Variants in PNPLA2 observed in about 807,000 individuals in gnomAD.
The protein encoded by PNPLA2 is patatin like domain 2, triacylglycerol lipase, also known as patatin-like phospholipase domain-containing protein 2.
A neutral mutation model predicts 39.7 loss-of-function variants in PNPLA2; 28 were observed. The observed-to-expected ratio is 0.70, with a 90% CI of 0.52 to 0.97. PNPLA2 has a LOEUF of 0.97. Among genes scored for constraint, PNPLA2 ranks in the 50% least tolerant of loss-of-function variants. PNPLA2 has a pLI of 0.00. For synonymous variants in PNPLA2, 392 were observed against 321.1 expected, an observed-to-expected ratio of 1.22 and a Z score of -2.36; for missense variants, 768 against 698.2, an observed-to-expected ratio of 1.10 and a Z score of -1.13.
chr11:821,201 T>C (rs1845654064), intron 2 of PNPLA2: 3 of 268,732 alleles, frequency 1.1e-5, no homozygotes, highest in South Asian at 3.9e-5. Context: ...AACTGGGCCC[T>C]GACTACTTCC....
At chr11:819,551 C>A in intron 1 of PNPLA2, 23 bp from the exon 2 acceptor site, 1 of 1,291,702 alleles carries the variant, frequency 7.7e-7, no homozygotes, top group Non-Finnish European at 9.8e-7. Context: ...CTTAAAAGCG[C>A]CGCCTCCGCG....
In PNPLA2 at chr11:824,592, C is replaced by G. The variant is rs925652298; in HGVS notation, c.1245C>G (p.Tyr415Ter). The G allele has an allele frequency of 3.6e-5, 57 of 1,586,956 alleles. No homozygotes were observed. Among genetic ancestry groups the G allele is most frequent in the Non-Finnish European group, 4.7e-5 (55 of 1,171,546 alleles). The change falls in exon 10 of 10, where the codon TAC becomes TAG. Residue 415 changes from tyrosine (Y) to a stop codon, truncating the protein, a stop_gained. Coordinates refer to ENST00000336615, the MANE Select transcript of PNPLA2 (RefSeq NM_020376.4). LOFTEE classifies it low-confidence loss of function (END_TRUNC). Reference sequence around the variant, plus strand: ...CCGTGCCGCTGTCCTGCGCCGCCTACAGAGAGGCACTGCCCGGCTGGATGC... The same window carrying G: ...CCGTGCCGCTGTCCTGCGCCGCCTAGAGAGAGGCACTGCCCGGCTGGATGC... ...LPSVPLSCAA[Y>*]REALPGWMRN...
intron 2 of PNPLA2, chr11:821,130 A>C (rs763549752): frequency 3.3e-5 from 7 of 209,200 alleles, no homozygotes; most frequent in Admixed American, 1.1e-4. Flanking sequence ...CCTGCGCCCC[A>C]AGAGGAGTGT....
rs1845846269 is a variant in PNPLA2, at chr11:825,086, A to C, written c.*224A>C. 5.8e-5 allele frequency: 33 copies of C among 572,480 alleles called. No individual in the cohort carries two copies. The highest frequency in any genetic ancestry group is 1.6e-4 in the Admixed American group (5 of 31,406). The allele number at this position is 572,480 out of a possible 1,614,324, so 35.5% of individuals were successfully genotyped here. A position where few individuals can be genotyped will look rare whatever the true frequency, so the allele number is the denominator to read the frequency against. On this transcript the variant is annotated 3_prime_UTR_variant, in exon 10 of 10. Transcript: ENST00000336615. ...CTTCCCTCCCCTGTGCTGCCCGAGC[A>C]CCTCCCCCGCCCCTTTACTCCTGAG...
In PNPLA2 at chr11:823,880, G is replaced by T. The variant is rs776218551; in HGVS notation, c.919+25G>T. ...GGTGCGCACCTGGGGGACGGGAGGG[G>T]AGGAGGGGAGGCAGGAGGGAAAGAG... On this transcript the variant is annotated intron_variant, in intron 7 of 9. Coordinates refer to ENST00000336615, the MANE Select transcript of PNPLA2 (RefSeq NM_020376.4). The T allele has an allele frequency of 3.8e-6, 6 of 1,564,874 alleles. No individual in the cohort carries two copies. In the South Asian group the frequency reaches 7.0e-5, roughly 18 times the overall value.
In PNPLA2 at chr11:822,047, CCTT is replaced by C. The variant is rs1565086930; in HGVS notation, c.486+27_486+29del. ...TGGTGAGTATTCCTAGCCCTGGACACCTTCTATGGGGTGGGCCGTGGGATGAGG... is the reference window on the plus strand; with the variant it reads ...TGGTGAGTATTCCTAGCCCTGGACACCTATGGGGTGGGCCGTGGGATGAGG... On this transcript the variant is annotated intron_variant, in intron 4 of 9. Coordinates refer to ENST00000336615, the MANE Select transcript of PNPLA2 (RefSeq NM_020376.4). The C allele has an allele frequency of 8.7e-6, 14 of 1,606,616 alleles. No individual in the cohort carries two copies. The Middle Eastern group carries it at 2.0e-3, about 228-fold the overall frequency.
rs1430971432 is a variant in PNPLA2, at chr11:819,701, C to CCGGCGG, written c.-16_-11dup. The CCGGCGG allele has an allele frequency of 1.4e-6, 2 of 1,477,032 alleles. No homozygotes were observed. The highest frequency in any genetic ancestry group is 2.9e-5 in the African/African-American group (2 of 68,206). 91.5% of individuals were successfully genotyped at this position (1,477,032 alleles called of 1,614,324 possible). On this transcript the variant is annotated 5_prime_UTR_variant, in exon 2 of 10. Transcript: ENST00000336615. ...CCTGGCCGCCCACGGAACCCGGGGC[C>CCGGCGG]CGGCGGCCGCCGCCGCGATGTTTCC...
At position 823,844 on chromosome 11, in the gene PNPLA2, G is replaced by T. The variant is rs754108863; in HGVS notation, c.908G>T (p.Arg303Leu). 1 of 1,586,826 alleles carries T rather than the reference G, an allele frequency of 6.3e-7. No homozygotes were observed. Among genetic ancestry groups the T allele is most frequent in the Admixed American group, 1.8e-5 (1 of 56,514 alleles). ...EDHILEHLPARLNEALLEACV... is the reference protein window; with the variant it reads ...EDHILEHLPALLNEALLEACV... ...CACATCCTGGAGCACCTGCCCGCCC[G>T]GCTCAATGAGGGTGCGCACCTGGGG... Residue 303 changes from arginine to leucine, a missense_variant, in exon 7 of 10, where the codon CGG (arginine) becomes CTG (leucine). Transcript: ENST00000336615.
Position 825,251 on chromosome 11 carries a change from G to A in PNPLA2, c.*389G>A. On this transcript the variant is annotated 3_prime_UTR_variant, in exon 10 of 10. Transcript: ENST00000336615. ...CCACTTTGTGTGTATGTGACCGCCT[G>A]CTTACTTGCAGTGAGAGCCTGGTGG... The A allele has an allele frequency of 3.2e-6, 1 of 310,596 alleles. No individual in the cohort carries two copies. 19.2% of individuals were successfully genotyped at this position (310,596 alleles called of 1,614,324 possible).
rs372368030 is a variant in PNPLA2 at position 824,439 on chromosome 11, G to A, written c.1175+3G>A. 31 of 1,553,796 alleles carry A rather than the reference G, an allele frequency of 2.0e-5. No individual in the cohort carries two copies. Among genetic ancestry groups the A allele is most frequent in the South Asian group, 1.2e-4 (10 of 84,404 alleles). On this transcript the variant is annotated splice_donor_region_variant and intron_variant, in intron 9 of 9. Coordinates refer to ENST00000336615, the MANE Select transcript of PNPLA2 (RefSeq NM_020376.4). ...CTGGGCAGGCACCTGCCCTCCAGGT[G>A]AGCCGCCGACCGCGCGTCCACCCGG...
Position 821,855 on chromosome 11 carries a change from A to G in PNPLA2, c.415A>G (p.Ile139Val). 1 of 1,612,994 alleles carries G rather than the reference A, an allele frequency of 6.2e-7. No individual in the cohort carries two copies. The highest frequency in any genetic ancestry group is 8.5e-7 in the Non-Finnish European group (1 of 1,179,132). Residue 139 changes from isoleucine (I) to valine (V), a missense_variant, in exon 3 of 10, where the codon ATC becomes GTC. Ile to Val is a conservative substitution (Grantham distance 29). Transcript: ENST00000336615. ...CCACTTCAACTCCAAGGACGAGCTC[A>G]TCCAGGTGGGGCCTGGTGGAGCCAT... ...ISHFNSKDEL[I>V]QANVCSGFIP... is the part of the protein sequence containing the mutation.
chr11:822,288 G>T, intron 4 of PNPLA2, 109 bp from the exon 5 acceptor site: 1 of 1,025,540 alleles, frequency 9.8e-7, no homozygotes. Flanking sequence ...ACGCTCAAAT[G>T]AGGTAGCCAC....
At chr11:822,185 C>G in intron 4 of PNPLA2, 162 bp downstream of exon 4, 1 of 774,358 alleles carries the variant, frequency 1.3e-6, no homozygotes, top group Non-Finnish European at 2.2e-6. Flanking sequence ...CGCACGCTTC[C>G]TGGCCCCCCA....
chr11:821,267 G>T, intron 2 of PNPLA2: 2 of 363,270 alleles, frequency 5.5e-6, no homozygotes, highest in African/African-American at 2.1e-5. Flanking sequence ...TGGGTTTTGT[G>T]GGTCTGCCCC....
intron 1 of PNPLA2, 91 bp downstream of exon 1, chr11:819,049 C>G (rs540080546): frequency 6.6e-6 from 1 of 152,600 alleles, no homozygotes; most frequent in South Asian, 2.1e-4. Flanking sequence ...TGGGGTCCCC[C>G]ACGAAGGGTT....
Position 825,044 on chromosome 11 carries a change from C to T in PNPLA2, c.*182C>T, listed in dbSNP as rs1207772284. 1 of 646,342 alleles carries T rather than the reference C, an allele frequency of 1.5e-6. No individual in the cohort carries two copies. Among genetic ancestry groups the T allele is most frequent in the East Asian group, 2.8e-5 (1 of 36,038 alleles). The allele number at this position is 646,342 out of a possible 1,614,324, so 40.0% of individuals were successfully genotyped here. On this transcript the variant is annotated 3_prime_UTR_variant, in exon 10 of 10. Coordinates refer to ENST00000336615, the MANE Select transcript of PNPLA2 (RefSeq NM_020376.4). The stretch of plus-strand genomic sequence containing the variant: ...CCTCCCCTGGGCCGCTGAGGCCCCG[C>T]GCACCTGTGCCTTAATCTTCCCTCC...
At chr11:819,548 G>A in intron 1 of PNPLA2, 26 bp from the exon 2 acceptor site, 2 of 1,291,888 alleles carry the variant, frequency 1.5e-6, no homozygotes, top group Non-Finnish European at 9.8e-7. Context: ...ACACTTAAAA[G>A]CGCCGCCTCC....
In PNPLA2 at chr11:824,656, G is replaced by A. The variant is rs144447952; in HGVS notation, c.1309G>A (p.Glu437Lys). The A allele has an allele frequency of 5.6e-6, 9 of 1,597,360 alleles. No homozygotes were observed. The highest frequency in any genetic ancestry group is 7.6e-6 in the Non-Finnish European group (9 of 1,177,656). Residue 437 changes from glutamate to lysine, a missense_variant, in exon 10 of 10, where the codon GAG becomes AAG. Transcript: ENST00000336615. The part of the protein sequence containing the change: ...LSLGDALAKW[E>K]ECQRQLLLGL... ...GCTGGGGGACGCGCTGGCCAAGTGG[G>A]AGGAGTGCCAGCGCCAGCTGCTGCT...
rs764844801 is a variant in PNPLA2, at chr11:824,565, G to T, written c.1218G>T (p.Pro406=). ...AGCTGCGCCGCGTCCAGTCGCTGCC[G>T]TCCGTGCCGCTGTCCTGCGCCGCCT... ...QVELRRVQSL[P]SVPLSCAAYR... Residue 406 remains proline, a synonymous_variant, in exon 10 of 10, where the codon CCG becomes CCT. Coordinates refer to ENST00000336615, the MANE Select transcript of PNPLA2 (RefSeq NM_020376.4). The T allele has an allele frequency of 1.3e-6, 2 of 1,568,992 alleles. No individual in the cohort carries two copies. The highest frequency in any genetic ancestry group is 1.7e-6 in the Non-Finnish European group (2 of 1,161,904).
Sources: gnomAD v4.1 joint callset for allele counts on GRCh38, gnomAD v4.1.1 for gene constraint, MANE v1.5 for transcripts, NCBI Gene and HGNC (gene_info 2026-07-23, HGNC 2026-07-21) for gene names.